The following KLRD1 variants were observed in gnomAD, a reference collection of about 807,000 sequenced individuals.
KLRD1 encodes the protein natural killer cells antigen CD94.
In KLRD1, 21 loss-of-function variants were observed where a neutral mutation model predicts 22.6. That is an observed-to-expected ratio of 0.93 (90% CI 0.66 to 1.34). The LOEUF (loss-of-function observed/expected upper bound fraction) is 1.34. KLRD1 is among the 40% of genes most tolerant of loss of function. KLRD1 has a pLI of 0.00. For synonymous variants in KLRD1, 59 were observed against 71.1 expected (o/e 0.83, Z 0.85); for missense variants, 183 against 208.6 (o/e 0.88, Z 0.76).
chr12:10,243,802 C>T (rs1002559262), intron 1 of KLRD1, among the ~76,000 whole-genome samples: 7 of 152,050 alleles, frequency 4.6e-5, no homozygotes, highest in Admixed American at 2.6e-4. Context: ...TAGGGATTCT[C>T]ATTGGTAGCG....
chr12:10,298,150 G>T (rs1949837780), intron 1 of KLRD1, among the ~76,000 whole-genome samples: 1 of 152,150 alleles, frequency 6.6e-6, no homozygotes, highest in Admixed American at 6.5e-5. Flanking sequence ...TAGGCTTCAT[G>T]ATTTCAGCAC....
intron 1 of KLRD1, among the ~76,000 whole-genome samples, chr12:10,298,739 C>A: frequency 6.6e-6 from 1 of 152,346 alleles, no homozygotes; most frequent in Middle Eastern, 3.4e-3. Context: ...CCAGACCCAT[C>A]GCTTTATTTC....
intron 1 of KLRD1, among the ~76,000 whole-genome samples, chr12:10,293,757 A>G (rs1182593650): frequency 1.3e-5 from 2 of 152,196 alleles, no homozygotes; most frequent in Non-Finnish European, 2.9e-5. Context: ...TCAATTTGTA[A>G]AAAATGCCAC....
At position 10,311,628 on chromosome 12, in the gene KLRD1, T is replaced by G. The variant is rs1168029068; in HGVS notation, c.315+13T>G. On this transcript the variant is annotated intron_variant, in intron 4 of 5. Transcript: ENST00000336164. ...CACAGATGAACTGGCATGTGCTGAG[T>G]CTGATTTTCTACATTTTCTTTGATC... 6.2e-7 allele frequency: 1 copy of G among 1,610,470 alleles called. No homozygotes were observed. Among genetic ancestry groups the G allele is most frequent in the Admixed American group, 1.7e-5 (1 of 59,574 alleles).
At position 10,324,784 on chromosome 12, in the gene KLRD1, A is replaced by G. The variant is rs917394004; in HGVS notation, c.*9991A>G. ...TTTCTAATTTCAAATGTTTTATTTT[A>G]AAATTGTAAGTATATATGTATATGT... On this transcript the variant is annotated 3_prime_UTR_variant, in exon 6 of 6. Coordinates refer to ENST00000336164, the MANE Select transcript of KLRD1 (RefSeq NM_002262.5). 5 of 141,864 alleles carry G rather than the reference A, an allele frequency of 3.5e-5. No individual in the cohort carries two copies. The highest frequency in any genetic ancestry group is 1.3e-4 in the African/African-American group (5 of 39,196). 8.8% of individuals were successfully genotyped at this position (141,864 alleles called of 1,614,324 possible).
intron 1 of KLRD1, among the ~76,000 whole-genome samples, chr12:10,288,484 C>T (rs189506280): frequency 7.2e-5 from 11 of 152,046 alleles, no homozygotes; most frequent in South Asian, 6.2e-4. Flanking sequence ...GATTTTAATC[C>T]GTTAGAGGTA....
chr12:10,251,832 G>A (rs1949349071), intron 1 of KLRD1, among the ~76,000 whole-genome samples: 1 of 152,088 alleles, frequency 6.6e-6, no homozygotes, highest in African/African-American at 2.4e-5. Flanking sequence ...TGCCTCTGCG[G>A]ACCTGACAGG....
At position 10,321,237 on chromosome 12, in the gene KLRD1, C is replaced by G. The variant is rs541432383; in HGVS notation, c.*6444C>G. The G allele has an allele frequency of 6.6e-6, 1 of 152,076 alleles. No individual in the cohort carries two copies. Among genetic ancestry groups the G allele is most frequent in the Non-Finnish European group, 1.5e-5 (1 of 68,020 alleles). The allele number at this position is 152,076 out of a possible 1,614,324, so 9.4% of individuals were successfully genotyped here. On this transcript the variant is annotated 3_prime_UTR_variant, in exon 6 of 6. Coordinates refer to ENST00000336164, the MANE Select transcript of KLRD1 (RefSeq NM_002262.5). ...CAAGGATGTCTATAGTTTGTTCTTT[C>G]GAATGTTGAGTGTATAAGGGAAGGA...
At chr12:10,255,960 C>T (rs1428899439) in intron 1 of KLRD1, among the ~76,000 whole-genome samples, 3 of 151,960 alleles carry the variant, frequency 2.0e-5, no homozygotes, top group Non-Finnish European at 2.9e-5. Flanking sequence ...ATCTATTTGT[C>T]TCTTCAGTTA....
intron 1 of KLRD1, among the ~76,000 whole-genome samples, chr12:10,240,559 T>A (rs1449903732): frequency 1.3e-5 from 2 of 152,134 alleles, no homozygotes; most frequent in Admixed American, 1.3e-4. Context: ...TTAAGTAATA[T>A]AGACATAATA....
chr12:10,312,009 T>C (rs567302142), intron 4 of KLRD1, among the ~76,000 whole-genome samples: 7 of 151,938 alleles, frequency 4.6e-5, no homozygotes, highest in African/African-American at 1.7e-4. Flanking sequence ...TATAAGCTAG[T>C]ATGGAAATAT....
At chr12:10,286,661 G>GTTTT (rs1565459881) in intron 1 of KLRD1, among the ~76,000 whole-genome samples, 2 of 49,312 alleles carry the variant, frequency 4.1e-5, no homozygotes, top group African/African-American at 7.1e-5. Context: ...CGCTTATGGT[G>GTTTT]CTTTTTTTTT....
chr12:10,281,179 G>A (rs749440457), intron 1 of KLRD1, among the ~76,000 whole-genome samples: 4 of 152,114 alleles, frequency 2.6e-5, no homozygotes, highest in Admixed American at 1.3e-4. Flanking sequence ...TACAGAAAAG[G>A]AGGAGGCAGT....
intron 1 of KLRD1, among the ~76,000 whole-genome samples, chr12:10,266,565 A>C (rs2417586): frequency 0.8 from 121,884 of 151,842 alleles, 53,488 homozygotes; most frequent in Non-Finnish European, 0.98. Flanking sequence ...TATTTTTAAC[A>C]CTGTAATCTA....
chr12:10,254,270 T>C (rs1378903895), intron 1 of KLRD1, among the ~76,000 whole-genome samples: 5 of 151,046 alleles, frequency 3.3e-5, no homozygotes, highest in African/African-American at 9.7e-5. Context: ...CTACTAAAAA[T>C]ACAAAAAATT....
rs752925995 is a variant in KLRD1, at chr12:10,255,086, A to G, written c.-101+28853A>G. Among the ~76,000 whole-genome samples, 42 of 132,412 alleles carry G rather than the reference A, an allele frequency of 3.2e-4. 3 individuals are homozygous for G. The highest frequency in any genetic ancestry group is 6.3e-4 in the Non-Finnish European group (38 of 60,342). 86.9% of individuals were successfully genotyped at this position (132,412 alleles called of 152,430 possible). A position where few individuals can be genotyped will look rare whatever the true frequency, so the allele number is the denominator to read the frequency against. The stretch of plus-strand genomic sequence containing the variant: ...CAGAATGCCTATTATTAAAAAGTCA[A>G]AAAATAATAGATGCTGGTGAGGATG... On this transcript the variant is annotated intron_variant, in intron 1 of 5. Coordinates refer to the KLRD1 transcript ENST00000544747.
rs1004796138 is a variant in KLRD1, at chr12:10,323,653, C to T, written c.*8860C>T. Reference sequence around the variant, plus strand: ...CTACTAACCTCAAAAGTATCCTTTCCCCTATGTATAAAATACTTCCTCTTG... The same window carrying T: ...CTACTAACCTCAAAAGTATCCTTTCTCCTATGTATAAAATACTTCCTCTTG... On this transcript the variant is annotated 3_prime_UTR_variant, in exon 6 of 6. Transcript: ENST00000336164. 6.6e-6 allele frequency: 1 copy of T among 151,958 alleles called. No individual in the cohort carries two copies. Among genetic ancestry groups the T allele is most frequent in the Admixed American group, 6.6e-5 (1 of 15,248 alleles). 9.4% of individuals were successfully genotyped at this position (151,958 alleles called of 1,614,324 possible).
At position 10,280,082 on chromosome 12, in the gene KLRD1, A is replaced by G. The variant is rs992979535; in HGVS notation, c.-100-27896A>G. 4.6e-5 allele frequency among the ~76,000 whole-genome samples: 7 copies of G among 152,220 alleles called. No individual in the cohort carries two copies. In the East Asian group the frequency reaches 1.3e-3, roughly 29 times the overall value. ...CCCATGACACAAGTTAGAATTACCA[A>G]CAATCGTTACAATAACATCGGTGGT... is the stretch of plus-strand genomic sequence containing the variant. On this transcript the variant is annotated intron_variant, in intron 1 of 5. Coordinates refer to the KLRD1 transcript ENST00000544747.
rs1267823430 is a variant in KLRD1, at chr12:10,324,450, T to G, written c.*9657T>G. On this transcript the variant is annotated 3_prime_UTR_variant, in exon 6 of 6. Transcript: ENST00000336164. Reference sequence around the variant, plus strand: ...TTCCTTTTTTTGTGTGCCTGTGTACTCCATGGTTAGCTCCCACTTATAAGG... The same window carrying G: ...TTCCTTTTTTTGTGTGCCTGTGTACGCCATGGTTAGCTCCCACTTATAAGG... The G allele has an allele frequency of 6.6e-6, 1 of 152,002 alleles. No homozygotes were observed. The highest frequency in any genetic ancestry group is 1.5e-5 in the Non-Finnish European group (1 of 68,002). 9.4% of individuals were successfully genotyped at this position (152,002 alleles called of 1,614,324 possible). A position where few individuals can be genotyped will look rare whatever the true frequency, so the allele number is the denominator to read the frequency against.
Sources: allele counts gnomAD v4.1 joint callset (sites outside exome capture counted in the v4.1 genomes callset), GRCh38; gene constraint gnomAD v4.1.1; transcripts MANE v1.5; gene names NCBI Gene and HGNC (gene_info 2026-07-23, HGNC 2026-07-21).